Variants in HECTD4 observed in about 807,000 individuals in gnomAD.
The protein encoded by HECTD4 is probable E3 ubiquitin-protein ligase HECTD4.
HECTD4 carries 114 observed loss-of-function variants against 471.5 expected under a neutral mutation model. That is an observed-to-expected ratio of 0.24 (90% CI 0.21 to 0.28). The LOEUF (loss-of-function observed/expected upper bound fraction) is 0.28. Among genes scored for constraint, HECTD4 ranks in the 10% least tolerant of loss-of-function variants. HECTD4 has a pLI of 1.00. For synonymous variants in HECTD4, 2,012 were observed against 2,256.0 expected (o/e 0.89, Z 3.07); for missense variants, 3,866 against 5,651.5 (o/e 0.68, Z 10.13).
At chr12:112,169,395 T>C in intron 70 of HECTD4, 108 bp downstream of exon 70, 1 of 1,241,770 alleles carries the variant, frequency 8.1e-7, no homozygotes, top group South Asian at 1.5e-5. Flanking sequence ...GCACAAGTGC[T>C]GAGGATGTGG....
At chr12:112,256,546 G>C in intron 20 of HECTD4, 28 bp from the exon 21 acceptor site, 1 of 1,451,926 alleles carries the variant, frequency 6.9e-7, no homozygotes, top group Non-Finnish European at 9.2e-7. Context: ...AAGTGATTTA[G>C]CTTAGCAGCC....
chr12:112,278,387 T>C (rs2034569183), intron 9 of HECTD4, among the ~76,000 whole-genome samples: 1 of 152,196 alleles, frequency 6.6e-6, no homozygotes, highest in Non-Finnish European at 1.5e-5. Context: ...TGAGGAACAT[T>C]TAATTCTATA....
At chr12:112,229,993 G>T in intron 40 of HECTD4, 113 bp from the exon 41 acceptor site, 1 of 971,044 alleles carries the variant, frequency 1.0e-6, no homozygotes, top group Non-Finnish European at 1.5e-6. Context: ...AGGAACTCTG[G>T]ACATGTGAGG....
chr12:112,266,792 T>C, intron 14 of HECTD4, 120 bp downstream of exon 14: 2 of 686,366 alleles, frequency 2.9e-6, no homozygotes, highest in Non-Finnish European at 2.6e-6. Flanking sequence ...TGCAGATACA[T>C]TTCTTAAATA....
chr12:112,215,101 T>G (rs1198687249), intron 48 of HECTD4, among the ~76,000 whole-genome samples: 1 of 152,034 alleles, frequency 6.6e-6, no homozygotes, highest in Non-Finnish European at 1.5e-5. Context: ...TGCAGTGAGT[T>G]GAGATTGCAC....
intron 1 of HECTD4, among the ~76,000 whole-genome samples, chr12:112,338,327 TAAAG>T (rs2035994919): frequency 6.6e-6 from 1 of 152,202 alleles, no homozygotes; most frequent in South Asian, 2.1e-4. Context: ...TGCATTGGTA[TAAAG>T]AAATACCTGA....
At chr12:112,231,355 G>A (rs936930603) in intron 39 of HECTD4, 158 bp downstream of exon 39, 4 of 657,010 alleles carry the variant, frequency 6.1e-6, no homozygotes, top group South Asian at 1.8e-5. Flanking sequence ...ACTCCCCGAC[G>A]TACTCCAGGC....
chr12:112,220,223 A>T (rs2033049639), intron 44 of HECTD4, among the ~76,000 whole-genome samples: 1 of 152,096 alleles, frequency 6.6e-6, no homozygotes, highest in African/African-American at 2.4e-5. Flanking sequence ...CACCTAAATT[A>T]ATTTTTAAAA....
chr12:112,202,359 C>G (rs1348211542), intron 54 of HECTD4, among the ~76,000 whole-genome samples: 1 of 152,076 alleles, frequency 6.6e-6, no homozygotes, highest in East Asian at 1.9e-4. Context: ...GTTCGTGCCA[C>G]CATGCCCAGC....
At position 112,162,769 on chromosome 12, in the gene HECTD4, T is replaced by TA. The variant is rs2030742162; in HGVS notation, c.13121-247_13121-246insT. Reference sequence around the variant, plus strand: ...GTTTGTCTGCCCAGCAAATTGTTTCTTTTTTTTTTTTTTTAACCATTTTTC... The same window carrying TA: ...GTTTGTCTGCCCAGCAAATTGTTTCTATTTTTTTTTTTTTTAACCATTTTTC... On this transcript the variant is annotated intron_variant, in intron 75 of 75. Coordinates refer to ENST00000682272, the MANE Select transcript of HECTD4 (RefSeq NM_001388303.1). The surrounding 1 kb of genome is among the most constrained non-coding windows in gnomAD (Gnocchi z 5.2). 1 of 154,404 alleles carries TA rather than the reference T, an allele frequency of 6.5e-6. No homozygotes were observed. Among genetic ancestry groups the TA allele is most frequent in the Non-Finnish European group, 1.4e-5 (1 of 73,880 alleles). 9.6% of individuals were successfully genotyped at this position (154,404 alleles called of 1,614,324 possible). A position where few individuals can be genotyped will look rare whatever the true frequency, so the allele number is the denominator to read the frequency against.
chr12:112,168,607 G>A (rs756743149), intron 70 of HECTD4, among the ~76,000 whole-genome samples: 7 of 152,180 alleles, frequency 4.6e-5, no homozygotes, highest in Non-Finnish European at 7.3e-5. Flanking sequence ...CCCAGTGCAG[G>A]GGCAGATGGT....
At chr12:112,309,704 T>A (rs1302229774) in intron 4 of HECTD4, 35 bp from the exon 5 acceptor site, 3 of 983,846 alleles carry the variant, frequency 3.0e-6, no homozygotes, top group Middle Eastern at 2.1e-4. Context: ...ATTATATATA[T>A]GTTTTTTCTA....
chr12:112,261,273 C>T (rs753877320), intron 18 of HECTD4, 32 bp downstream of exon 18: 22 of 1,520,012 alleles, frequency 1.4e-5, no homozygotes, highest in Non-Finnish European at 2.0e-5. Flanking sequence ...TCCCACAGGG[C>T]AGCTGGTCAC....
chr12:112,245,659 A>C (rs1323662814), intron 29 of HECTD4, among the ~76,000 whole-genome samples: 1 of 152,268 alleles, frequency 6.6e-6, no homozygotes, highest in East Asian at 1.9e-4. Context: ...CCTGCTCTCT[A>C]CTGCCCACTG....
chr12:112,203,838 G>C, intron 53 of HECTD4, 66 bp from the exon 54 acceptor site: 1 of 1,025,786 alleles, frequency 9.7e-7, no homozygotes, highest in Non-Finnish European at 1.4e-6. Context: ...CTTACATTTA[G>C]CATCTAAAAT....
At chr12:112,290,855 A>C (rs1177844185) in intron 7 of HECTD4, among the ~76,000 whole-genome samples, 1 of 148,118 alleles carries the variant, frequency 6.8e-6, no homozygotes, top group African/African-American at 2.6e-5. Flanking sequence ...TCTCAAAAAA[A>C]AACAAAACAA....
At chr12:112,293,773 T>C (rs2034948828) in intron 7 of HECTD4, among the ~76,000 whole-genome samples, 1 of 152,196 alleles carries the variant, frequency 6.6e-6, no homozygotes, top group Non-Finnish European at 1.5e-5. Flanking sequence ...GGAAGCAGGG[T>C]AGGTGAGAGA....
intron 1 of HECTD4, among the ~76,000 whole-genome samples, chr12:112,369,119 C>T (rs1383689753): frequency 1.3e-5 from 2 of 151,962 alleles, no homozygotes; most frequent in African/African-American, 2.4e-5. Context: ...CTGTATTAAC[C>T]GGATTACTGA....
chr12:112,248,270 C>G lies in HECTD4; in HGVS notation c.4143+50G>C, dbSNP rs1005053097. Reference sequence around the variant, plus strand: ...AAAAATTAGATCACATTCTAAATTTCTTTAAATTTCCATAAAAGAAATTGT... The same window carrying G: ...AAAAATTAGATCACATTCTAAATTTGTTTAAATTTCCATAAAAGAAATTGT... On this transcript the variant is annotated intron_variant, in intron 26 of 75. Coordinates refer to ENST00000682272, the MANE Select transcript of HECTD4 (RefSeq NM_001388303.1). 2.6e-6 allele frequency: 4 copies of G among 1,531,486 alleles called. No individual in the cohort carries two copies. The African/African-American group carries it at 5.6e-5, about 21-fold the overall frequency. 94.9% of individuals were successfully genotyped at this position (1,531,486 alleles called of 1,614,324 possible).
Sources: allele counts gnomAD v4.1 joint callset (sites outside exome capture counted in the v4.1 genomes callset), GRCh38; gene constraint gnomAD v4.1.1; non-coding constraint Gnocchi (gnomAD v3.1); transcripts MANE v1.5; gene names NCBI Gene and HGNC (gene_info 2026-07-23, HGNC 2026-07-21).